ENPP2: variants seen among roughly 807,000 people sequenced by gnomAD.
The protein encoded by ENPP2 is autotaxin.
Under a neutral mutation model 120.2 loss-of-function variants are expected in ENPP2, and 51 were observed. The ratio of observed to expected loss-of-function variants is 0.42; its 90% confidence interval spans 0.34 to 0.54. The LOEUF (loss-of-function observed/expected upper bound fraction) is 0.54. Ranked by LOEUF, ENPP2 falls within the 20% of genes least tolerant of loss-of-function variation. The pLI is 0.04. For synonymous variants in ENPP2, 365 were observed against 366.4 expected, an observed-to-expected ratio of 1.00 and a Z score of 0.04; for missense variants, 920 against 1,066.5, an observed-to-expected ratio of 0.86 and a Z score of 1.91.
intron 5 of ENPP2, among the ~76,000 whole-genome samples, chr8:119,618,842 T>C (rs1434918145): frequency 6.6e-6 from 1 of 152,088 alleles, no homozygotes; most frequent in Non-Finnish European, 1.5e-5. Context: ...AATTACTTAT[T>C]GGATAACACA....
chr8:119,644,005 T>A (rs1316366053), intron 1 of ENPP2, among the ~76,000 whole-genome samples: 1 of 151,882 alleles, frequency 6.6e-6, no homozygotes, highest in Admixed American at 6.6e-5. Context: ...GTTTGACTAG[T>A]GCAGGGAGAG....
chr8:119,664,339 G>C (rs1314865842), intron 1 of ENPP2, among the ~76,000 whole-genome samples: 1 of 152,156 alleles, frequency 6.6e-6, no homozygotes, highest in East Asian at 1.9e-4. Context: ...GTGCAGCCTT[G>C]AACAATTCAC....
chr8:119,596,735 C>A (rs1401110335), intron 11 of ENPP2, among the ~76,000 whole-genome samples: 1 of 152,136 alleles, frequency 6.6e-6, no homozygotes, highest in Non-Finnish European at 1.5e-5. Context: ...AAAAAGTCAT[C>A]TCTTTTTTGT....
At chr8:119,639,809 T>G (rs1817216949), upstream of ENPP2, among the ~76,000 whole-genome samples, 1 of 152,190 alleles carries the variant, frequency 6.6e-6, no homozygotes, top group Admixed American at 6.5e-5. Context: ...TACTAAAGTT[T>G]CTTTACTAAG....
chr8:119,645,210 C>T (rs1817406948), intron 1 of ENPP2, among the ~76,000 whole-genome samples: 1 of 152,160 alleles, frequency 6.6e-6, no homozygotes, highest in Admixed American at 6.5e-5. Flanking sequence ...CAGCTCAGTC[C>T]TCTTTCCGCC....
In ENPP2 at chr8:119,568,226, A is replaced by G. The variant is rs1023072254; in HGVS notation, c.2080T>C (p.Tyr694His). 1 of 1,599,422 alleles carries G rather than the reference A, an allele frequency of 6.3e-7. No individual in the cohort carries two copies. The highest frequency in any genetic ancestry group is 2.3e-5 in the East Asian group (1 of 44,386). ...ATATTGGTTACAAGGAATGCATCAT[A>G]TTTAGCCTCTGGTGAAGAGCTCAGA... ...PYLSSSPEAK[Y>H]DAFLVTNMVP... Residue 694 changes from tyrosine (Y) to histidine (H), a missense_variant, in exon 22 of 25, where the codon TAT becomes CAT. Tyr to His is a moderately conservative substitution (Grantham distance 83). Coordinates refer to ENST00000075322, the MANE Select transcript of ENPP2 (RefSeq NM_001040092.3).
chr8:119,628,561 G>A lies in ENPP2; in HGVS notation c.137-1841C>T, dbSNP rs188585987. ...ATATCCATAAGTGGACTATTGCACC[G>A]TAAGAGGACTATTGCACACTCCTTA... is the stretch of plus-strand genomic sequence containing the variant. On this transcript the variant is annotated intron_variant, in intron 2 of 24. Transcript: ENST00000075322. Among the ~76,000 whole-genome samples, 535 of 152,214 alleles carry A rather than the reference G, an allele frequency of 3.5e-3. 5 individuals carry two copies. The highest frequency in any genetic ancestry group is 0.014 in the Middle Eastern group (4 of 294).
chr8:119,601,532 C>T (rs1394535001), intron 9 of ENPP2, 70 bp from the exon 10 acceptor site: 7 of 1,125,144 alleles, frequency 6.2e-6, no homozygotes, highest in East Asian at 2.4e-5. Context: ...GAGGAGTGCT[C>T]GCTCTTGCAC....
Position 119,666,145 on chromosome 8 carries a change from G to A in ENPP2, c.21+7107C>T, listed in dbSNP as rs920803035. Among the ~76,000 whole-genome samples, 24 of 152,216 alleles carry A rather than the reference G, an allele frequency of 1.6e-4. No homozygotes were observed. The East Asian group carries it at 1.9e-3, about 12-fold the overall frequency. ...TACATACACATAAAAGAATATAGAC[G>A]GGATATTCATTAATGAGTTAATATA... On this transcript the variant is annotated intron_variant, in intron 1 of 25. Coordinates refer to the ENPP2 transcript ENST00000427067.
At chr8:119,584,409 T>G (rs1371273426) in intron 15 of ENPP2, among the ~76,000 whole-genome samples, 2 of 152,204 alleles carry the variant, frequency 1.3e-5, no homozygotes, top group Non-Finnish European at 2.9e-5. Context: ...TCTGGTTCAC[T>G]TCTATGTACC....
chr8:119,569,709 T>C (rs1245114794), intron 20 of ENPP2, among the ~76,000 whole-genome samples: 1 of 150,956 alleles, frequency 6.6e-6, no homozygotes, highest in Non-Finnish European at 1.5e-5. Flanking sequence ...TTACAAACAA[T>C]ATAGATGTAT....
chr8:119,636,670 T>C (rs1817016341), intron 2 of ENPP2, among the ~76,000 whole-genome samples: 1 of 152,184 alleles, frequency 6.6e-6, no homozygotes, highest in Non-Finnish European at 1.5e-5. Flanking sequence ...ATGGAAATAA[T>C]TTACTATACA....
In ENPP2 at chr8:119,616,309, G is replaced by A. The variant is rs761562708; in HGVS notation, c.733C>T (p.Arg245Ter). ...CTATGATTAAATTTCTCTCGCCCTC[G>A]CAGATGAAAAGTGGCATCAAATACA... ...DPVFDATFHL[R>*]GREKFNHRWW... The change falls in exon 8 of 25, where the codon CGA becomes TGA. Residue 245 changes from arginine to a stop codon, truncating the protein, a stop_gained. Coordinates refer to ENST00000075322, the MANE Select transcript of ENPP2 (RefSeq NM_001040092.3). LOFTEE classifies it high-confidence loss of function. The A allele has an allele frequency of 1.1e-5, 17 of 1,608,628 alleles. No homozygotes were observed. The highest frequency in any genetic ancestry group is 2.7e-5 in the African/African-American group (2 of 74,818).
intron 9 of ENPP2, among the ~76,000 whole-genome samples, chr8:119,605,877 C>T (rs755023748): frequency 3.8e-4 from 58 of 152,204 alleles, no homozygotes; most frequent in Non-Finnish European, 5.3e-4. Context: ...TGAGAATCAA[C>T]GTGAACAATC....
At chr8:119,600,594 C>A (rs986659741) in intron 11 of ENPP2, 84 bp downstream of exon 11, 1 of 887,100 alleles carries the variant, frequency 1.1e-6, no homozygotes, top group African/African-American at 1.7e-5. Flanking sequence ...TCCATCCAGA[C>A]TTTATACAAT....
chr8:119,584,594 T>C (rs889969211), intron 15 of ENPP2, among the ~76,000 whole-genome samples: 1 of 152,310 alleles, frequency 6.6e-6, no homozygotes, highest in Admixed American at 6.5e-5. Context: ...TCTATCAATA[T>C]ACAATACAAC....
At chr8:119,617,004 A>C (rs1045146796) in intron 7 of ENPP2, among the ~76,000 whole-genome samples, 160 bp downstream of exon 7, 1 of 152,254 alleles carries the variant, frequency 6.6e-6, no homozygotes, top group Non-Finnish European at 1.5e-5. Context: ...ACAAAGTTGT[A>C]AAAGGCATTT....
intron 23 of ENPP2, among the ~76,000 whole-genome samples, chr8:119,564,608 G>A (rs1463029248): frequency 1.3e-5 from 2 of 151,982 alleles, no homozygotes; most frequent in East Asian, 3.9e-4. Flanking sequence ...AACCCAGGAG[G>A]CGGAGGTTGC....
At chr8:119,599,377 T>A (rs1175291099) in intron 11 of ENPP2, among the ~76,000 whole-genome samples, 1 of 151,808 alleles carries the variant, frequency 6.6e-6, no homozygotes, top group Non-Finnish European at 1.5e-5. Context: ...AATACTTAAG[T>A]ATTGTCAAAA....
Sources: allele counts gnomAD v4.1 joint callset (sites outside exome capture counted in the v4.1 genomes callset), GRCh38; gene constraint gnomAD v4.1.1; transcripts MANE v1.5; gene names NCBI Gene and HGNC (gene_info 2026-07-23, HGNC 2026-07-21).